The following ADAP1 variants were observed in gnomAD, a reference collection of about 807,000 sequenced individuals.
ADAP1 encodes ArfGAP with dual PH domains 1, also known as arf-GAP with dual PH domain-containing protein 1.
ADAP1 carries 31 observed loss-of-function variants against 54.9 expected under a neutral mutation model. That is an observed-to-expected ratio of 0.56 (90% CI 0.42 to 0.76). The LOEUF is 0.76. Ranked by LOEUF, ADAP1 falls within the 30% of genes least tolerant of loss-of-function variation. The probability of loss-of-function intolerance (pLI) is 0.00; values close to 1 mark genes in which losing one functional copy is unlikely to be tolerated. For missense variants in ADAP1, 535 were observed against 512.4 expected, an observed-to-expected ratio of 1.04 and a Z score of -0.42; for synonymous variants, 313 against 202.6, an observed-to-expected ratio of 1.55 and a Z score of -4.63.
intron 3 of ADAP1, among the ~76,000 whole-genome samples, chr7:923,779 C>T (rs67240628): frequency 0.023 from 3,436 of 152,290 alleles, 50 homozygotes; most frequent in Middle Eastern, 0.072. Flanking sequence ...CCTGCGAAGA[C>T]GCCACCCGGA....
intron 1 of ADAP1, among the ~76,000 whole-genome samples, chr7:948,542 G>A (rs750114072): frequency 3.3e-5 from 5 of 152,034 alleles, no homozygotes; most frequent in South Asian, 2.1e-4. Context: ...CAGGTGCCAC[G>A]ACCCCCTCTG....
chr7:953,212 G>A (rs1407403168), intron 1 of ADAP1, among the ~76,000 whole-genome samples: 4 of 152,218 alleles, frequency 2.6e-5, no homozygotes, highest in African/African-American at 9.6e-5. Context: ...CATTGCACGG[G>A]CCCTGTGGCC....
At position 946,951 on chromosome 7, in the gene ADAP1, G is replaced by A. The variant is rs1847156515; in HGVS notation, c.82+7445C>T. ...GTTCGAGACCAGCCTGGGCAACATA[G>A]TGAGACACCGCGACTCCATCCTTAT... On this transcript the variant is annotated intron_variant, in intron 1 of 10. Coordinates refer to ENST00000265846, the MANE Select transcript of ADAP1 (RefSeq NM_006869.4). The surrounding 1 kb of genome is among the most constrained non-coding windows in gnomAD (Gnocchi z 4.3). 6.6e-6 allele frequency among the ~76,000 whole-genome samples: 1 copy of A among 152,202 alleles called. No homozygotes were observed. Among genetic ancestry groups the A allele is most frequent in the South Asian group, 2.1e-4 (1 of 4,834 alleles).
chr7:943,203 G>A (rs1336904924), intron 1 of ADAP1, among the ~76,000 whole-genome samples: 3 of 59,690 alleles, frequency 5.0e-5, no homozygotes, highest in Admixed American at 1.5e-4. Context: ...GAGGAGGAAG[G>A]GAGTGAGGAG....
chr7:906,696 TGGACA>T lies in ADAP1; in HGVS notation c.389-1529_389-1525del, dbSNP rs1845421520. Among the ~76,000 whole-genome samples, 7 of 25,042 alleles carry T rather than the reference TGGACA, an allele frequency of 2.8e-4. 1 individual carries two copies. Among genetic ancestry groups the T allele is most frequent in the East Asian group, 2.5e-3 (1 of 402 alleles). 16.4% of individuals were successfully genotyped at this position (25,042 alleles called of 152,430 possible). ...ACATGGACAGGGGACACGGGGGACA[TGGACA>T]TGGGGGACGGGACATCGGGGACGGG... On this transcript the variant is annotated intron_variant, in intron 4 of 10. Coordinates refer to ENST00000265846, the MANE Select transcript of ADAP1 (RefSeq NM_006869.4).
Position 946,021 on chromosome 7 carries a change from T to C in ADAP1, c.82+8375A>G, listed in dbSNP as rs1309391971. On this transcript the variant is annotated intron_variant, in intron 1 of 10. Coordinates refer to ENST00000265846, the MANE Select transcript of ADAP1 (RefSeq NM_006869.4). The surrounding 1 kb of genome is among the most constrained non-coding windows in gnomAD (Gnocchi z 4.3). ...GTGCAATCGAGGCCGGGTCGGACGCTGGCTCTGGCCAGGCACGCAAGGGGC... is the reference window on the plus strand; with the variant it reads ...GTGCAATCGAGGCCGGGTCGGACGCCGGCTCTGGCCAGGCACGCAAGGGGC... Among the ~76,000 whole-genome samples, 2 of 152,020 alleles carry C rather than the reference T, an allele frequency of 1.3e-5. No homozygotes were observed. The highest frequency in any genetic ancestry group is 2.9e-5 in the Non-Finnish European group (2 of 68,010).
intron 5 of ADAP1, 136 bp from the exon 6 acceptor site, chr7:904,408 G>T: frequency 8.7e-7 from 1 of 1,146,554 alleles, no homozygotes; most frequent in Non-Finnish European, 1.2e-6. Flanking sequence ...TAAGCGCTCT[G>T]AGCCTTGGCC....
chr7:899,160 A>G lies in ADAP1; in HGVS notation c.969T>C (p.His323=), dbSNP rs1303902174. 3.1e-6 allele frequency: 5 copies of G among 1,611,706 alleles called. No individual in the cohort carries two copies. Among genetic ancestry groups the G allele is most frequent in the South Asian group, 1.1e-5 (1 of 91,094 alleles). ...PPSTQGHHWP[H]GITIVTPDRK... is the part of the protein sequence containing the mutation. ...GGTCGGGCGTGACGATGGTGATGCC[A>G]TGTGGCCAGTGGTGGCCCTGGGTGG... Residue 323 remains histidine, a synonymous_variant, in exon 10 of 11, where the codon CAT becomes CAC. Coordinates refer to ENST00000265846, the MANE Select transcript of ADAP1 (RefSeq NM_006869.4).
At chr7:900,717 G>GC in intron 6 of ADAP1, 101 bp from the exon 7 acceptor site, 1 of 1,031,192 alleles carries the variant, frequency 9.7e-7, no homozygotes, top group East Asian at 2.6e-5. Context: ...TTCCCCCAGA[G>GC]CCCAGCCCCT....
chr7:905,259 TGGGGAGAAGACACG>T (rs1554271577), intron 4 of ADAP1, 87 bp from the exon 5 acceptor site: 1 of 620,006 alleles, frequency 1.6e-6, no homozygotes. Flanking sequence ...AGAGGGGACA[TGGGGAGAAGACACG>T]GGGGACACGG....
intron 3 of ADAP1, among the ~76,000 whole-genome samples, chr7:925,151 C>A (rs975079010): frequency 6.6e-6 from 1 of 152,052 alleles, no homozygotes; most frequent in Admixed American, 6.5e-5. Context: ...GGACGGGGGC[C>A]TCGTGACCCC....
rs1844622102 is a variant in ADAP1 at position 898,641 on chromosome 7, G to A, written c.*280C>T. ...GAGCTCGGGAGCCAGACTGGGCCCT[G>A]GAGGAAAGGGGGCCCCGGGTCAGGG... On this transcript the variant is annotated 3_prime_UTR_variant, in exon 11 of 11. Transcript: ENST00000265846. 1.9e-6 allele frequency: 1 copy of A among 515,624 alleles called. No homozygotes were observed. The highest frequency in any genetic ancestry group is 2.1e-5 in the South Asian group (1 of 48,558). The allele number at this position is 515,624 out of a possible 1,614,324, so 31.9% of individuals were successfully genotyped here. A position where few individuals can be genotyped will look rare whatever the true frequency, so the allele number is the denominator to read the frequency against.
At chr7:911,525 A>G (rs1845721487) in intron 4 of ADAP1, among the ~76,000 whole-genome samples, 2 of 151,198 alleles carry the variant, frequency 1.3e-5, no homozygotes, top group African/African-American at 2.4e-5. Flanking sequence ...TAAGACAAAC[A>G]TGCCAGGAAA....
At chr7:914,495 G>T (rs1012713883) in intron 4 of ADAP1, among the ~76,000 whole-genome samples, 1 of 152,144 alleles carries the variant, frequency 6.6e-6, no homozygotes, top group East Asian at 1.9e-4. Context: ...CTCTGCCCAC[G>T]GGGCCGCCCC....
chr7:899,564 C>T, intron 8 of ADAP1, 74 bp from the exon 9 acceptor site: 1 of 1,522,876 alleles, frequency 6.6e-7, no homozygotes, highest in African/African-American at 1.4e-5. Flanking sequence ...ACAGCACACC[C>T]CGGAGGGCAG....
Position 938,784 on chromosome 7 carries a change from C to T in ADAP1, c.83-3279G>A, listed in dbSNP as rs971773606. Among the ~76,000 whole-genome samples the T allele has an allele frequency of 4.6e-5, 7 of 152,188 alleles. No homozygotes were observed. Among genetic ancestry groups the T allele is most frequent in the South Asian group, 2.1e-4 (1 of 4,826 alleles). On this transcript the variant is annotated intron_variant, in intron 1 of 10. Transcript: ENST00000265846. This position sits in a 1 kb window ranked among gnomAD's most constrained non-coding sequence, Gnocchi z 4.4. Reference sequence around the variant, plus strand: ...TGCAGTGGGGGGCCCTCCTTCTCACCGCATGGCAATGCTGTTGGTTCTGCT... The same window carrying T: ...TGCAGTGGGGGGCCCTCCTTCTCACTGCATGGCAATGCTGTTGGTTCTGCT...
At chr7:912,184 G>A (rs1845752170) in intron 4 of ADAP1, among the ~76,000 whole-genome samples, 1 of 152,200 alleles carries the variant, frequency 6.6e-6, no homozygotes, top group Admixed American at 6.5e-5. Context: ...CTGAACCACA[G>A]GGGAACCACA....
In ADAP1 at chr7:898,631, A is replaced by AAAG; in HGVS notation, c.*289_*290insCTT. The stretch of plus-strand genomic sequence containing the variant: ...GGCTGTGTCTGAGCTCGGGAGCCAG[A>AAAG]CTGGGCCCTGGAGGAAAGGGGGCCC... On this transcript the variant is annotated 3_prime_UTR_variant, in exon 11 of 11. Transcript: ENST00000265846. 4.0e-6 allele frequency: 2 copies of AAAG among 496,130 alleles called. No individual in the cohort carries two copies. Among genetic ancestry groups the AAAG allele is most frequent in the Non-Finnish European group, 7.4e-6 (2 of 270,650 alleles). 30.7% of individuals were successfully genotyped at this position (496,130 alleles called of 1,614,324 possible).
intron 4 of ADAP1, among the ~76,000 whole-genome samples, chr7:912,536 G>A (rs1845766415): frequency 6.6e-6 from 1 of 152,268 alleles, no homozygotes; most frequent in Admixed American, 6.5e-5. Flanking sequence ...GTTCACCTGG[G>A]GCCACAGCGA....
Sources: gnomAD v4.1 joint callset for allele counts (sites outside exome capture counted in the v4.1 genomes callset) on GRCh38, gnomAD v4.1.1 for gene constraint, Gnocchi (gnomAD v3.1) non-coding constraint, MANE v1.5 for transcripts, NCBI Gene and HGNC (gene_info 2026-07-23, HGNC 2026-07-21) for gene names.